The following RALGAPA1 variants were observed in gnomAD, a reference collection of about 807,000 sequenced individuals.
RALGAPA1 encodes the protein Ral GTPase activating protein catalytic subunit alpha 1, also known as ral GTPase-activating protein subunit alpha-1.
RALGAPA1 carries 52 observed loss-of-function variants against 269.6 expected under a neutral mutation model. The observed-to-expected ratio is 0.19, with a 90% CI of 0.15 to 0.24. The LOEUF is 0.24. RALGAPA1 is among the 10% of genes least tolerant of loss of function. The pLI is 1.00. For synonymous variants in RALGAPA1, 817 were observed against 1,008.3 expected, an observed-to-expected ratio of 0.81 and a Z score of 3.60; for missense variants, 1,917 against 3,013.9, an observed-to-expected ratio of 0.64 and a Z score of 8.52.
At chr14:35,686,809 ATTTAAT>A (rs1255806300) in intron 18 of RALGAPA1, 143 bp from the exon 19 acceptor site, 25 of 480,754 alleles carry the variant, frequency 5.2e-5, no homozygotes, top group South Asian at 3.1e-4. Context: ...CTTCTTTCAG[ATTTAAT>A]TTTAAGAATT....
intron 4 of RALGAPA1, chr14:35,766,330 T>C (rs1446538922): frequency 8.7e-7 from 1 of 1,154,090 alleles, no homozygotes; most frequent in Non-Finnish European, 1.3e-6. Context: ...GTTAAACCAT[T>C]CATGATTCCC....
At chr14:35,706,865 A>G (rs2067854343) in intron 16 of RALGAPA1, 1 of 152,126 alleles carries the variant, frequency 6.6e-6, no homozygotes, top group Non-Finnish European at 1.5e-5. Context: ...GATTCTGTCA[A>G]TATCCACAAA....
chr14:35,750,396 C>A, intron 9 of RALGAPA1, 86 bp downstream of exon 9: 1 of 832,736 alleles, frequency 1.2e-6, no homozygotes, highest in Non-Finnish European at 1.9e-6. Flanking sequence ...TTTAAGTGTA[C>A]GCTCCACCTA....
chr14:35,661,742 T>A (rs1057482521), intron 27 of RALGAPA1, among the ~76,000 whole-genome samples: 5 of 152,172 alleles, frequency 3.3e-5, no homozygotes, highest in African/African-American at 1.2e-4. Flanking sequence ...TTCAACTTTG[T>A]AAACTCAGCA....
intron 12 of RALGAPA1, 68 bp downstream of exon 12, chr14:35,738,445 T>C (rs1360837227): frequency 1.2e-5 from 15 of 1,203,760 alleles, no homozygotes; most frequent in Non-Finnish European, 1.0e-5. Flanking sequence ...GTATACTGTA[T>C]ACTGAAATAC....
chr14:35,623,876 G>C (rs941380631), intron 35 of RALGAPA1, among the ~76,000 whole-genome samples: 1 of 152,090 alleles, frequency 6.6e-6, no homozygotes, highest in African/African-American at 2.4e-5. Context: ...TCAGGCGATC[G>C]AGACCATTCT....
chr14:35,580,416 C>T (rs2057881094), intron 37 of RALGAPA1, among the ~76,000 whole-genome samples: 2 of 152,134 alleles, frequency 1.3e-5, no homozygotes, highest in African/African-American at 2.4e-5. Context: ...AACCATTTTC[C>T]ATCAATCTTC....
At chr14:35,712,067 T>C (rs1460026511) in intron 16 of RALGAPA1, among the ~76,000 whole-genome samples, 2 of 151,842 alleles carry the variant, frequency 1.3e-5, no homozygotes, top group African/African-American at 4.8e-5. Context: ...GCCAACATGG[T>C]GAAACGCCAT....
intron 31 of RALGAPA1, among the ~76,000 whole-genome samples, chr14:35,636,601 A>G (rs1263944426): frequency 6.6e-6 from 1 of 152,142 alleles, no homozygotes; most frequent in African/African-American, 2.4e-5. Flanking sequence ...GCTCATTGCA[A>G]CCTTCACTTC....
chr14:35,685,438 A>G (rs1270967126), intron 19 of RALGAPA1, among the ~76,000 whole-genome samples: 1 of 152,164 alleles, frequency 6.6e-6, no homozygotes, highest in Non-Finnish European at 1.5e-5. Flanking sequence ...ATTTAGTGGA[A>G]AAAAAGCAGC....
chr14:35,775,623 T>C lies in RALGAPA1; in HGVS notation c.217+12A>G, dbSNP rs1160537878. The C allele has an allele frequency of 1.3e-6, 2 of 1,564,504 alleles. No homozygotes were observed. The highest frequency in any genetic ancestry group is 1.7e-6 in the Non-Finnish European group (2 of 1,164,836). On this transcript the variant is annotated intron_variant, in intron 2 of 41. Coordinates refer to ENST00000680220, the MANE Select transcript of RALGAPA1 (RefSeq NM_001346249.2). ...ATATTAACATACGCCAAGATATATGTTAGCATCTTACCTTTCTGTTTAAGA... is the reference window on the plus strand; with the variant it reads ...ATATTAACATACGCCAAGATATATGCTAGCATCTTACCTTTCTGTTTAAGA...
chr14:35,766,587 G>T, intron 4 of RALGAPA1: 2 of 772,670 alleles, frequency 2.6e-6, no homozygotes, highest in South Asian at 2.7e-5. Context: ...TCACAGATGT[G>T]ACACTGATGT....
chr14:35,697,054 C>T (rs1422340574), intron 17 of RALGAPA1, among the ~76,000 whole-genome samples: 4 of 152,122 alleles, frequency 2.6e-5, no homozygotes, highest in Admixed American at 6.6e-5. Context: ...ATTCTTATAA[C>T]TCATACATTT....
At chr14:35,808,096 T>C (rs1422821452) in intron 1 of RALGAPA1, among the ~76,000 whole-genome samples, 1 of 152,164 alleles carries the variant, frequency 6.6e-6, no homozygotes, top group African/African-American at 2.4e-5. Flanking sequence ...AAAACAGAAC[T>C]TAAGGGCAGA....
intron 39 of RALGAPA1, among the ~76,000 whole-genome samples, chr14:35,565,525 G>A (rs1325153449): frequency 2.7e-4 from 41 of 152,020 alleles, no homozygotes; most frequent in Non-Finnish European, 1.5e-5. Context: ...GGTCCCCTGA[G>A]GAAGGAGAGA....
chr14:35,552,094 C>T (rs1337646908), intron 39 of RALGAPA1, among the ~76,000 whole-genome samples: 1 of 152,034 alleles, frequency 6.6e-6, no homozygotes, highest in Non-Finnish European at 1.5e-5. Flanking sequence ...TTATAAGTTT[C>T]CCAGTTTGAT....
chr14:35,690,103 C>A (rs2066351136), intron 17 of RALGAPA1, 100 bp from the exon 18 acceptor site: 2 of 910,258 alleles, frequency 2.2e-6, no homozygotes, highest in South Asian at 2.2e-5. Flanking sequence ...TAAAAAAAAT[C>A]TGAGTTTTTG....
chr14:35,582,448 C>T (rs1318338785), intron 37 of RALGAPA1, among the ~76,000 whole-genome samples: 7 of 152,124 alleles, frequency 4.6e-5, no homozygotes. Context: ...CATGAAGTCA[C>T]AGGAAAAATG....
At chr14:35,631,382 T>C (rs1346310938) in intron 33 of RALGAPA1, among the ~76,000 whole-genome samples, 2 of 152,252 alleles carry the variant, frequency 1.3e-5, no homozygotes, top group East Asian at 3.9e-4. Context: ...TTCAAAAAAG[T>C]ATTACTTAGG....
Sources: gnomAD v4.1 joint callset for allele counts (sites outside exome capture counted in the v4.1 genomes callset) on GRCh38, gnomAD v4.1.1 for gene constraint, MANE v1.5 for transcripts, NCBI Gene and HGNC (gene_info 2026-07-23, HGNC 2026-07-21) for gene names.